CACNA2D3: variants seen among roughly 807,000 people sequenced by gnomAD.
CACNA2D3 encodes calcium voltage-gated channel auxiliary subunit alpha2delta 3.
A neutral mutation model predicts 160.6 loss-of-function variants in CACNA2D3; 60 were observed. That is an observed-to-expected ratio of 0.37 (90% confidence interval 0.30 to 0.46). CACNA2D3 has a LOEUF of 0.46. CACNA2D3 is among the 20% of genes least tolerant of loss of function. CACNA2D3 has a pLI of 1.00. For synonymous variants in CACNA2D3, 558 were observed against 492.9 expected (o/e 1.13, Z -1.75); for missense variants, 1,205 against 1,365.0 (o/e 0.88, Z 1.85).
At chr3:54,791,482 T>G (rs544316868) in intron 13 of CACNA2D3, among the ~76,000 whole-genome samples, 21 of 152,352 alleles carry the variant, frequency 1.4e-4, no homozygotes, top group African/African-American at 5.1e-4. Context: ...CATAATTCTT[T>G]TAAAAAGAAA....
chr3:54,513,928 C>T (rs779854159), intron 5 of CACNA2D3, among the ~76,000 whole-genome samples: 5 of 152,184 alleles, frequency 3.3e-5, no homozygotes, highest in Admixed American at 6.5e-5. Flanking sequence ...CTGCCTTGGC[C>T]TCCCAAAGTG....
At chr3:54,845,237 C>A in intron 16 of CACNA2D3, among the ~76,000 whole-genome samples, 1 of 152,158 alleles carries the variant, frequency 6.6e-6, no homozygotes, top group East Asian at 1.9e-4. Flanking sequence ...CTTTTAATTG[C>A]CAGTGTTAAA....
intron 11 of CACNA2D3, among the ~76,000 whole-genome samples, chr3:54,664,790 A>G (rs1261832266): frequency 6.6e-6 from 1 of 152,178 alleles, no homozygotes; most frequent in Admixed American, 6.5e-5. Flanking sequence ...GAAGTAAGCA[A>G]GGTTGCAGGA....
chr3:54,291,473 G>T (rs935487943), intron 2 of CACNA2D3, among the ~76,000 whole-genome samples: 1 of 152,092 alleles, frequency 6.6e-6, no homozygotes, highest in African/African-American at 2.4e-5. Flanking sequence ...GCAAATCACA[G>T]TTCATAGAAC....
chr3:55,024,193 A>G (rs1049091812), intron 35 of CACNA2D3, among the ~76,000 whole-genome samples: 6 of 148,552 alleles, frequency 4.0e-5, no homozygotes, highest in African/African-American at 1.5e-4. Context: ...TTGACCTTGG[A>G]CAAAAACCTT....
intron 16 of CACNA2D3, 101 bp downstream of exon 16, chr3:54,838,749 T>TGGA: frequency 1.2e-6 from 1 of 856,020 alleles, no homozygotes; most frequent in African/African-American, 1.7e-5. Context: ...GCGATGTTTT[T>TGGA]GCTCACCACT....
At chr3:54,278,059 A>G (rs1702786124) in intron 2 of CACNA2D3, among the ~76,000 whole-genome samples, 1 of 152,224 alleles carries the variant, frequency 6.6e-6, no homozygotes, top group Non-Finnish European at 1.5e-5. Context: ...AAAAGGCAAC[A>G]TACAGAATGG....
chr3:54,975,585 A>G (rs1013830334), intron 29 of CACNA2D3, among the ~76,000 whole-genome samples: 3 of 150,996 alleles, frequency 2.0e-5, no homozygotes, highest in African/African-American at 7.3e-5. Context: ...AAGCTTAGGC[A>G]TGTTGTCCTT....
At chr3:54,274,537 A>G (rs766023226) in intron 2 of CACNA2D3, among the ~76,000 whole-genome samples, 3 of 152,186 alleles carry the variant, frequency 2.0e-5, no homozygotes, top group East Asian at 1.9e-4. Context: ...TTGTATTGCA[A>G]ATTACCCCCA....
At chr3:54,358,063 A>T (rs1181521126) in intron 3 of CACNA2D3, among the ~76,000 whole-genome samples, 1 of 152,256 alleles carries the variant, frequency 6.6e-6, no homozygotes, top group African/African-American at 2.4e-5. Flanking sequence ...TTTAATTAAT[A>T]ATGATGGCTC....
intron 4 of CACNA2D3, among the ~76,000 whole-genome samples, chr3:54,410,240 G>A (rs1427697093): frequency 6.6e-6 from 1 of 152,110 alleles, no homozygotes; most frequent in Non-Finnish European, 1.5e-5. Flanking sequence ...TGTAATACCA[G>A]CTACTCAGGA....
chr3:54,451,422 G>T lies in CACNA2D3; in HGVS notation c.382-52070G>T, dbSNP rs1410441624. Among the ~76,000 whole-genome samples, 3 of 151,326 alleles carry T rather than the reference G, an allele frequency of 2.0e-5. No individual in the cohort carries two copies. In the South Asian group the frequency reaches 6.3e-4, roughly 32 times the overall value. On this transcript the variant is annotated intron_variant, in intron 4 of 37. Coordinates refer to ENST00000474759, the MANE Select transcript of CACNA2D3 (RefSeq NM_018398.3). ...ACACCACCACGCTCAGCTAATTTTT[G>T]TATTTTTAAAACCTTGTTAGTCTTC...
Position 55,074,293 on chromosome 3 carries a change from C to A in CACNA2D3, c.*87C>A. 9.9e-7 allele frequency: 1 copy of A among 1,005,744 alleles called. No individual in the cohort carries two copies. Among genetic ancestry groups the A allele is most frequent in the African/African-American group, 1.6e-5 (1 of 63,488 alleles). The allele number at this position is 1,005,744 out of a possible 1,614,324, so 62.3% of individuals were successfully genotyped here. A position where few individuals can be genotyped will look rare whatever the true frequency, so the allele number is the denominator to read the frequency against. Reference sequence around the variant, plus strand: ...AACTGTGAACCAAAATATGGTGCAACATACGAGACATGAATATAGTCCAAC... The same window carrying A: ...AACTGTGAACCAAAATATGGTGCAAAATACGAGACATGAATATAGTCCAAC... On this transcript the variant is annotated 3_prime_UTR_variant, in exon 38 of 38. Coordinates refer to ENST00000474759, the MANE Select transcript of CACNA2D3 (RefSeq NM_018398.3).
At chr3:54,533,748 G>A (rs1701841762) in intron 5 of CACNA2D3, among the ~76,000 whole-genome samples, 1 of 151,964 alleles carries the variant, frequency 6.6e-6, no homozygotes. Flanking sequence ...GGGAAGAAGG[G>A]TCATGGTGTG....
chr3:54,853,938 T>C (rs899920552), intron 17 of CACNA2D3, among the ~76,000 whole-genome samples: 8 of 151,906 alleles, frequency 5.3e-5, no homozygotes, highest in African/African-American at 1.9e-4. Context: ...TGCAGGGATC[T>C]GTTGCCAGCC....
chr3:54,969,261 A>ATTTTTTTTTTTTTTTTTTTTTTTT (rs139722160), intron 28 of CACNA2D3, among the ~76,000 whole-genome samples: 2 of 127,796 alleles, frequency 1.6e-5, no homozygotes, highest in Non-Finnish European at 3.3e-5. Context: ...CATAAAGTAG[A>ATTTTTTTTTTTTTTTTTTTTTTTT]CTTTTTTTTT....
intron 17 of CACNA2D3, 115 bp downstream of exon 17, chr3:54,846,582 C>T: frequency 1.5e-6 from 1 of 650,074 alleles, no homozygotes; most frequent in Non-Finnish European, 2.7e-6. Context: ...CTATTGAATT[C>T]ATAGCATTGT....
rs367673598 is a variant in CACNA2D3 at position 54,887,786 on chromosome 3, G to A, written c.2057-173G>A. 2.6e-5 allele frequency among the ~76,000 whole-genome samples: 4 copies of A among 152,306 alleles called. No individual in the cohort carries two copies. In the East Asian group the frequency reaches 5.8e-4, roughly 22 times the overall value. ...TGCTTTGGAGGCTCCTGTGTTGCAG[G>A]CATACCAGGTGTCAGAACTGTTTCA... is the stretch of plus-strand genomic sequence containing the variant. On this transcript the variant is annotated intron_variant, in intron 23 of 37. Transcript: ENST00000474759.
chr3:54,233,874 T>C (rs1317225577), intron 2 of CACNA2D3, among the ~76,000 whole-genome samples: 3 of 152,192 alleles, frequency 2.0e-5, no homozygotes, highest in Non-Finnish European at 2.9e-5. Context: ...ATACTGACTA[T>C]TGGTCAACAA....
Sources: gnomAD v4.1 joint callset for allele counts (sites outside exome capture counted in the v4.1 genomes callset) on GRCh38, gnomAD v4.1.1 for gene constraint, MANE v1.5 for transcripts, NCBI Gene and HGNC (gene_info 2026-07-23, HGNC 2026-07-21) for gene names.